CNTNAP2: variants seen among roughly 807,000 people sequenced by gnomAD.
CNTNAP2 encodes the protein contactin-associated protein-like 2.
In CNTNAP2, 98 loss-of-function variants were observed where a neutral mutation model predicts 155.2. The ratio of observed to expected loss-of-function variants is 0.63; its 90% CI spans 0.54 to 0.75. The LOEUF is 0.75. Among genes scored for constraint, CNTNAP2 ranks in the 30% least tolerant of loss-of-function variants. The pLI is 0.00. For missense variants in CNTNAP2, 1,727 were observed against 1,688.1 expected (o/e 1.02, Z -0.40); for synonymous variants, 651 against 631.2 (o/e 1.03, Z -0.47).
At chr7:146,370,805 A>G (rs1168724222) in intron 1 of CNTNAP2, among the ~76,000 whole-genome samples, 1 of 152,164 alleles carries the variant, frequency 6.6e-6, no homozygotes, top group Non-Finnish European at 1.5e-5. Flanking sequence ...TTGGTGATTT[A>G]TATTTGTTAT....
intron 3 of CNTNAP2, among the ~76,000 whole-genome samples, chr7:146,844,891 C>T (rs982920331): frequency 1.3e-5 from 2 of 151,862 alleles, no homozygotes; most frequent in African/African-American, 4.8e-5. Flanking sequence ...AATTTGTTAC[C>T]ACTGCATCTA....
In CNTNAP2 at chr7:147,753,769, A is replaced by G. The variant is rs144969439; in HGVS notation, c.2098+114463A>G. ...TAGGGACTTGACAACCTGAAGGCTG[A>G]GTGACAAAGAGGCTTCGTACAAACT... On this transcript the variant is annotated intron_variant, in intron 13 of 23. Transcript: ENST00000361727. Among the ~76,000 whole-genome samples, 522 of 152,324 alleles carry G rather than the reference A, an allele frequency of 3.4e-3. 2 individuals are homozygous for G. The highest frequency in any genetic ancestry group is 4.0e-3 in the Non-Finnish European group (274 of 68,024).
In CNTNAP2 at chr7:146,713,022, C is replaced by G. The variant is rs368334321; in HGVS notation, c.98-61249C>G. Among the ~76,000 whole-genome samples the G allele has an allele frequency of 5.3e-5, 8 of 152,118 alleles. No individual in the cohort carries two copies. The East Asian group carries it at 1.4e-3, about 26-fold the overall frequency. The stretch of plus-strand genomic sequence containing the variant: ...ATGAAATGCCCTTGATAATCTTCAC[C>G]TTAAGATTCACTCCCCTCTCTGAAT... On this transcript the variant is annotated intron_variant, in intron 1 of 23. Transcript: ENST00000361727.
At chr7:146,531,978 G>A (rs535375483) in intron 1 of CNTNAP2, among the ~76,000 whole-genome samples, 1 of 152,080 alleles carries the variant, frequency 6.6e-6, no homozygotes, top group African/African-American at 2.4e-5. Flanking sequence ...ACAAGATAGG[G>A]GGAGGTATGT....
chr7:146,842,831 G>T (rs550557901), intron 3 of CNTNAP2, among the ~76,000 whole-genome samples: 1 of 150,506 alleles, frequency 6.6e-6, no homozygotes, highest in Admixed American at 6.6e-5. Flanking sequence ...GACCACAGGC[G>T]CCCGCCACCA....
intron 1 of CNTNAP2, among the ~76,000 whole-genome samples, chr7:146,205,563 A>C (rs1264570544): frequency 1.3e-5 from 2 of 151,868 alleles, no homozygotes; most frequent in African/African-American, 2.4e-5. Context: ...TAAGAAAAAT[A>C]ATATGAAAAA....
At chr7:146,763,453 A>AT (rs1019655426) in intron 1 of CNTNAP2, among the ~76,000 whole-genome samples, 21 of 151,940 alleles carry the variant, frequency 1.4e-4, no homozygotes, top group Admixed American at 2.6e-4. Context: ...AATACTGTGT[A>AT]TTTTTTTTAT....
intron 1 of CNTNAP2, among the ~76,000 whole-genome samples, chr7:146,356,606 G>A (rs1370068038): frequency 6.6e-6 from 1 of 152,098 alleles, no homozygotes; most frequent in Admixed American, 6.6e-5. Flanking sequence ...TGTGAAGTAA[G>A]ATTAATCCTT....
Position 146,461,989 on chromosome 7 carries a change from A to G in CNTNAP2, c.98-312282A>G, listed in dbSNP as rs983509726. Among the ~76,000 whole-genome samples, 5 of 152,230 alleles carry G rather than the reference A, an allele frequency of 3.3e-5. No homozygotes were observed. The East Asian group carries it at 7.7e-4, about 23-fold the overall frequency. On this transcript the variant is annotated intron_variant, in intron 1 of 23. Transcript: ENST00000361727. ...CCATGGTTATTTTTATTTTTTGAAT[A>G]CAGTGCAAATATTACTTTAAATATT...
chr7:146,775,127 A>G (rs1443594735), intron 2 of CNTNAP2, among the ~76,000 whole-genome samples: 3 of 152,210 alleles, frequency 2.0e-5, no homozygotes, highest in Non-Finnish European at 4.4e-5. Flanking sequence ...ATTCAGTAAA[A>G]CAGGAATGGT....
At chr7:146,857,216 GGAGAGAGA>G (rs61258419) in intron 3 of CNTNAP2, among the ~76,000 whole-genome samples, 1 of 146,680 alleles carries the variant, frequency 6.8e-6, no homozygotes, top group Non-Finnish European at 1.5e-5. Flanking sequence ...AGAAGGAGAG[GGAGAGAGA>G]GAGAGAGAGA....
At chr7:147,498,324 T>C (rs908956558) in intron 11 of CNTNAP2, among the ~76,000 whole-genome samples, 1 of 152,156 alleles carries the variant, frequency 6.6e-6, no homozygotes, top group African/African-American at 2.4e-5. Flanking sequence ...GCAAAACAAG[T>C]CCTTCTCTTA....
intron 4 of CNTNAP2, among the ~76,000 whole-genome samples, chr7:147,046,350 C>T (rs939685621): frequency 2.0e-5 from 3 of 152,190 alleles, no homozygotes; most frequent in African/African-American, 7.2e-5. Context: ...AAAAATTTCA[C>T]ACAGATGGAG....
At chr7:147,981,060 G>A (rs948977219) in intron 15 of CNTNAP2, among the ~76,000 whole-genome samples, 18 of 152,002 alleles carry the variant, frequency 1.2e-4, no homozygotes, top group Admixed American at 2.0e-4. Flanking sequence ...AGCCTCCTGT[G>A]AATTGGGCAG....
At position 147,830,112 on chromosome 7, in the gene CNTNAP2, G is replaced by A. The variant is rs532316458; in HGVS notation, c.2099-73453G>A. Among the ~76,000 whole-genome samples the A allele has an allele frequency of 6.6e-5, 10 of 151,644 alleles. No individual in the cohort carries two copies. In the South Asian group the frequency reaches 2.1e-3, roughly 32 times the overall value. On this transcript the variant is annotated intron_variant, in intron 13 of 23. Coordinates refer to ENST00000361727, the MANE Select transcript of CNTNAP2 (RefSeq NM_014141.6). Reference sequence around the variant, plus strand: ...GCATTCAATACATATGTGAATCTGAGATTGTGAGTGGCTTGGAGTACGTAC... The same window carrying A: ...GCATTCAATACATATGTGAATCTGAAATTGTGAGTGGCTTGGAGTACGTAC...
At chr7:146,365,922 A>G (rs1795148645) in intron 1 of CNTNAP2, among the ~76,000 whole-genome samples, 1 of 152,232 alleles carries the variant, frequency 6.6e-6, no homozygotes, top group South Asian at 2.1e-4. Context: ...AATTGCAGTC[A>G]CACTAAATGG....
At chr7:147,035,349 G>A (rs1799134838) in intron 3 of CNTNAP2, among the ~76,000 whole-genome samples, 2 of 152,208 alleles carry the variant, frequency 1.3e-5, no homozygotes, top group South Asian at 4.1e-4. Flanking sequence ...GCTAGTCCTG[G>A]AAACTCACAT....
chr7:148,069,664 A>G (rs1316735870), intron 15 of CNTNAP2, among the ~76,000 whole-genome samples: 3 of 151,482 alleles, frequency 2.0e-5, no homozygotes, highest in Non-Finnish European at 4.4e-5. Context: ...GGAGGCTGAG[A>G]CAGGAGAATG....
At chr7:148,110,013 A>G (rs898620836) in intron 15 of CNTNAP2, among the ~76,000 whole-genome samples, 10 of 151,638 alleles carry the variant, frequency 6.6e-5, no homozygotes, top group African/African-American at 2.2e-4. Context: ...TCAGACCCCC[A>G]ATGAAACTTG....
Sources: allele counts gnomAD v4.1 joint callset (sites outside exome capture counted in the v4.1 genomes callset), GRCh38; gene constraint gnomAD v4.1.1; transcripts MANE v1.5; gene names NCBI Gene and HGNC (gene_info 2026-07-23, HGNC 2026-07-21).